Variants in SLC25A48 observed in about 807,000 individuals in gnomAD.
SLC25A48 encodes the protein solute carrier family 25 member 48, also known as CTC-321K16.1.
Under a neutral mutation model 32.2 loss-of-function variants are expected in SLC25A48, and 29 were observed. The ratio of observed to expected loss-of-function variants is 0.90; its 90% CI spans 0.67 to 1.23. The LOEUF (loss-of-function observed/expected upper bound fraction) is 1.23. Ranked by LOEUF, SLC25A48 falls within the 50% of genes most tolerant of loss-of-function variation. The pLI is 0.00. For synonymous variants in SLC25A48, 164 were observed against 172.3 expected, an observed-to-expected ratio of 0.95 and a Z score of 0.38; for missense variants, 399 against 422.7, an observed-to-expected ratio of 0.94 and a Z score of 0.49.
rs897057036 is a variant in SLC25A48 at position 135,727,205 on chromosome 5, C to T, written c.-520-85318C>T. Among the ~76,000 whole-genome samples the T allele has an allele frequency of 5.8e-5, 7 of 121,212 alleles. No homozygotes were observed. In the South Asian group the frequency reaches 1.4e-3, roughly 24 times the overall value. The allele number at this position is 121,212 out of a possible 152,430, so 79.5% of individuals were successfully genotyped here. A position where few individuals can be genotyped will look rare whatever the true frequency, so the allele number is the denominator to read the frequency against. ...CAGGCTATATATATATATATATATA[C>T]GTGTGTATAGTAAAAATAATATAGA... On this transcript the variant is annotated intron_variant, in intron 3 of 10. Coordinates refer to the SLC25A48 transcript ENST00000646290.
At chr5:135,799,342 G>T (rs986623533) in intron 3 of SLC25A48, among the ~76,000 whole-genome samples, 1 of 151,672 alleles carries the variant, frequency 6.6e-6, no homozygotes, top group Non-Finnish European at 1.5e-5. Flanking sequence ...TATATCCAGG[G>T]AAAAGAAGAT....
In SLC25A48 at chr5:135,850,420, C is replaced by T. The variant is rs1454590820; in HGVS notation, c.91-5C>T. On this transcript the variant is annotated splice_region_variant and splice_polypyrimidine_tract_variant and intron_variant, in intron 2 of 7. Coordinates refer to ENST00000681962, the MANE Select transcript of SLC25A48 (RefSeq NM_001349336.2). ...GCTGACCCATGTCCTTGCCTCTCTC[C>T]ATAGACTCGCCTGCAGGCTGGCGTT... The T allele has an allele frequency of 6.2e-7, 1 of 1,614,046 alleles. No individual in the cohort carries two copies. The highest frequency in any genetic ancestry group is 8.5e-7 in the Non-Finnish European group (1 of 1,180,034).
At chr5:135,791,995 T>C (rs957209454) in intron 3 of SLC25A48, among the ~76,000 whole-genome samples, 2 of 151,824 alleles carry the variant, frequency 1.3e-5, no homozygotes, top group African/African-American at 4.8e-5. Flanking sequence ...TTTGAATTAC[T>C]TTAGGAAGAT....
At chr5:135,710,433 T>G (rs1754625593) in intron 3 of SLC25A48, among the ~76,000 whole-genome samples, 1 of 152,242 alleles carries the variant, frequency 6.6e-6, no homozygotes, top group Non-Finnish European at 1.5e-5. Flanking sequence ...TTGCTGGTTC[T>G]GGTTTTGTTC....
At chr5:135,713,209 C>G (rs1019510732) in intron 3 of SLC25A48, among the ~76,000 whole-genome samples, 10 of 152,208 alleles carry the variant, frequency 6.6e-5, no homozygotes, top group African/African-American at 2.4e-4. Context: ...ACAAGATCCC[C>G]AGGAGATTCA....
chr5:135,789,038 G>A (rs368159076), intron 3 of SLC25A48, among the ~76,000 whole-genome samples: 1 of 151,834 alleles, frequency 6.6e-6, no homozygotes, highest in Non-Finnish European at 1.5e-5. Context: ...CATGTGTTGG[G>A]GGATGTACAC....
chr5:135,650,576 C>CAAT (rs1753087561), intron 3 of SLC25A48: 1 of 357,430 alleles, frequency 2.8e-6, no homozygotes, highest in Non-Finnish European at 5.5e-6. Flanking sequence ...AAAACAACAA[C>CAAT]AGAACTCTTT....
At chr5:135,800,290 G>T (rs150615652) in intron 3 of SLC25A48, among the ~76,000 whole-genome samples, 1 of 151,724 alleles carries the variant, frequency 6.6e-6, no homozygotes, top group Non-Finnish European at 1.5e-5. Flanking sequence ...TATAGCAAAG[G>T]GTGTACAGCC....
At chr5:135,754,799 T>G (rs1378939633) in intron 3 of SLC25A48, among the ~76,000 whole-genome samples, 1 of 152,058 alleles carries the variant, frequency 6.6e-6, no homozygotes, top group Non-Finnish European at 1.5e-5. Context: ...AATATCACTC[T>G]GGCATTTATA....
At chr5:135,630,117 G>A (rs1752522261) in intron 2 of SLC25A48, among the ~76,000 whole-genome samples, 1 of 152,178 alleles carries the variant, frequency 6.6e-6, no homozygotes, top group Non-Finnish European at 1.5e-5. Context: ...GAATGGCTCA[G>A]CTAGAATATG....
chr5:135,582,927 A>T (rs1751266459), intron 1 of SLC25A48, among the ~76,000 whole-genome samples: 4 of 152,126 alleles, frequency 2.6e-5, no homozygotes, highest in Non-Finnish European at 4.4e-5. Flanking sequence ...TAGTTTATTC[A>T]TTGTATGTGC....
chr5:135,835,034 C>T, intron 1 of SLC25A48, 141 bp downstream of exon 1: 1 of 967,704 alleles, frequency 1.0e-6, no homozygotes, highest in Non-Finnish European at 1.6e-6. Flanking sequence ...GAGTGCCCGG[C>T]CCCGAGATCC....
At chr5:135,834,036 T>C (rs886526763), upstream of SLC25A48, among the ~76,000 whole-genome samples, 11 of 152,052 alleles carry the variant, frequency 7.2e-5, no homozygotes, top group African/African-American at 2.7e-4. Flanking sequence ...CGAGTCTTCT[T>C]AGGAAGGGAG....
chr5:135,863,632 C>T (rs765150229), intron 4 of SLC25A48, among the ~76,000 whole-genome samples: 2 of 152,186 alleles, frequency 1.3e-5, no homozygotes, highest in African/African-American at 2.4e-5. Context: ...ATCACAGCAA[C>T]CCTATGAAAT....
intron 3 of SLC25A48, among the ~76,000 whole-genome samples, chr5:135,775,613 G>C (rs1345437184): frequency 6.6e-6 from 1 of 151,402 alleles, no homozygotes; most frequent in East Asian, 1.9e-4. Flanking sequence ...AACGCAGGAG[G>C]TGTACCCCAT....
chr5:135,679,953 C>T (rs1753856217), intron 3 of SLC25A48, among the ~76,000 whole-genome samples: 1 of 152,152 alleles, frequency 6.6e-6, no homozygotes, highest in Admixed American at 6.5e-5. Flanking sequence ...GTCTTGGAGC[C>T]TTCCCATGGC....
At chr5:135,775,979 C>G (rs72791323) in intron 3 of SLC25A48, among the ~76,000 whole-genome samples, 8 of 151,368 alleles carry the variant, frequency 5.3e-5, no homozygotes, top group African/African-American at 1.9e-4. Flanking sequence ...ATATTACTCC[C>G]AATATCACAG....
intron 3 of SLC25A48, among the ~76,000 whole-genome samples, chr5:135,797,169 A>G (rs889004263): frequency 2.6e-5 from 4 of 151,932 alleles, no homozygotes; most frequent in Non-Finnish European, 5.9e-5. Context: ...AGGGGTGAAG[A>G]AGATGATAAT....
intron 3 of SLC25A48, among the ~76,000 whole-genome samples, chr5:135,738,074 G>C (rs758846646): frequency 6.6e-6 from 1 of 152,130 alleles, no homozygotes. Flanking sequence ...GACTTTCCTC[G>C]ATACTCTCAG....
Sources: allele counts gnomAD v4.1 joint callset (sites outside exome capture counted in the v4.1 genomes callset), GRCh38; gene constraint gnomAD v4.1.1; transcripts MANE v1.5; gene names NCBI Gene and HGNC (gene_info 2026-07-23, HGNC 2026-07-21).